Variants in PARD3 observed in about 807,000 individuals in gnomAD.
The protein encoded by PARD3 is par-3 family cell polarity regulator.
PARD3 carries 75 observed loss-of-function variants against 155.4 expected under a neutral mutation model. That is an observed-to-expected ratio of 0.48 (90% CI 0.40 to 0.58). The LOEUF is 0.58. Among genes scored for constraint, PARD3 ranks in the 20% least tolerant of loss-of-function variants. The pLI, the probability that PARD3 is intolerant of heterozygous loss-of-function variation, is 0.00. For missense variants in PARD3, 1,642 were observed against 1,721.7 expected (o/e 0.95, Z 0.82); for synonymous variants, 576 against 610.5 (o/e 0.94, Z 0.83).
chr10:34,221,459 T>C (rs1280044256), intron 22 of PARD3, among the ~76,000 whole-genome samples: 3 of 151,508 alleles, frequency 2.0e-5, no homozygotes, highest in South Asian at 2.1e-4. Flanking sequence ...TTTTGATATA[T>C]GTATAGGTGG....
chr10:34,132,994 AG>A (rs1012694131), intron 22 of PARD3, among the ~76,000 whole-genome samples: 2 of 152,104 alleles, frequency 1.3e-5, no homozygotes, highest in Admixed American at 6.5e-5. Context: ...GCCAAACTCC[AG>A]GGGAAGATCA....
chr10:34,805,863 G>A (rs1466047734), intron 1 of PARD3, among the ~76,000 whole-genome samples: 1 of 151,894 alleles, frequency 6.6e-6, no homozygotes, highest in Non-Finnish European at 1.5e-5. Flanking sequence ...TGTAGTCCCA[G>A]CTACTCGGGA....
intron 2 of PARD3, among the ~76,000 whole-genome samples, chr10:34,598,967 C>G (rs2089530812): frequency 6.6e-6 from 1 of 152,134 alleles, no homozygotes; most frequent in African/African-American, 2.4e-5. Context: ...CCTGCCCCAG[C>G]CTCTGCCAGT....
chr10:34,230,961 G>A (rs1223210790), intron 22 of PARD3, among the ~76,000 whole-genome samples: 3 of 151,992 alleles, frequency 2.0e-5, no homozygotes, highest in Non-Finnish European at 4.4e-5. Context: ...AGGAGTTCAA[G>A]GCTGCAGTGA....
chr10:34,394,909 A>T (rs1371088979), intron 7 of PARD3, among the ~76,000 whole-genome samples: 1 of 152,002 alleles, frequency 6.6e-6, no homozygotes, highest in East Asian at 1.9e-4. Flanking sequence ...CAATACCTAC[A>T]ACCAGGTTCT....
At position 34,559,037 on chromosome 10, in the gene PARD3, ATT is replaced by A. The variant is rs371540947; in HGVS notation, c.223-41880_223-41879del. On this transcript the variant is annotated intron_variant, in intron 2 of 24. Coordinates refer to ENST00000374788, the MANE Select transcript of PARD3 (RefSeq NM_001184785.2). The stretch of plus-strand genomic sequence containing the variant: ...GAATCTTCATTAGAATTGAAAACTC[ATT>A]TTTCCCCCCCACAGAATTAGCCTCT... Among the ~76,000 whole-genome samples, 1,146 of 150,424 alleles carry A rather than the reference ATT, an allele frequency of 7.6e-3. 14 individuals carry two copies. The highest frequency in any genetic ancestry group is 0.026 in the African/African-American group (1,054 of 40,064).
intron 1 of PARD3, among the ~76,000 whole-genome samples, chr10:34,742,612 G>T (rs1161028404): frequency 2.6e-5 from 4 of 152,192 alleles, no homozygotes; most frequent in Non-Finnish European, 5.9e-5. Context: ...GAATCTCATA[G>T]ATGATCTAAT....
chr10:34,671,599 A>C (rs2093610919), intron 2 of PARD3, among the ~76,000 whole-genome samples: 1 of 152,248 alleles, frequency 6.6e-6, no homozygotes, highest in Admixed American at 6.5e-5. Flanking sequence ...AGGAGTTGCT[A>C]TCACCATACA....
rs540571839 is a variant in PARD3, at chr10:34,710,378, G to A, written c.121-13959C>T. 1.6e-4 allele frequency among the ~76,000 whole-genome samples: 24 copies of A among 152,264 alleles called. No homozygotes were observed. In the South Asian group the frequency reaches 4.6e-3, roughly 29 times the overall value. ...ATTCCATAATAAATATATACGTGCA[G>A]TTTTAAATATTTATCCTCTTAAATA... On this transcript the variant is annotated intron_variant, in intron 1 of 24. Transcript: ENST00000374788.
intron 5 of PARD3, among the ~76,000 whole-genome samples, chr10:34,408,151 T>TAA (rs1285336346): frequency 6.6e-6 from 1 of 152,104 alleles, no homozygotes; most frequent in Non-Finnish European, 1.5e-5. Flanking sequence ...TATAAAAACT[T>TAA]AAAGTTATAC....
intron 2 of PARD3, among the ~76,000 whole-genome samples, chr10:34,528,790 G>T (rs1007392890): frequency 4.6e-5 from 7 of 152,162 alleles, no homozygotes; most frequent in African/African-American, 1.7e-4. Context: ...GTTTCAAGGG[G>T]TATGGAGAAG....
intron 22 of PARD3, among the ~76,000 whole-genome samples, chr10:34,160,856 G>C (rs1164109141): frequency 3.9e-5 from 6 of 152,166 alleles, no homozygotes; most frequent in Non-Finnish European, 4.4e-5. Flanking sequence ...TTTGGAACCT[G>C]TTTATAGTAC....
intron 1 of PARD3, among the ~76,000 whole-genome samples, chr10:34,718,857 G>A (rs965802866): frequency 6.6e-6 from 1 of 152,252 alleles, no homozygotes; most frequent in Admixed American, 6.5e-5. Context: ...CAGCTACTTG[G>A]GAGGCAGAGG....
intron 22 of PARD3, among the ~76,000 whole-genome samples, chr10:34,155,425 G>A (rs1285302819): frequency 2.0e-5 from 3 of 152,186 alleles, no homozygotes; most frequent in Non-Finnish European, 4.4e-5. Flanking sequence ...CATTTTAGGA[G>A]CTGTAAGGCT....
chr10:34,116,209 A>C (rs1228500732), intron 24 of PARD3, among the ~76,000 whole-genome samples: 1 of 152,180 alleles, frequency 6.6e-6, no homozygotes, highest in Non-Finnish European at 1.5e-5. Flanking sequence ...TTACAGTTAG[A>C]ATTTACAAAC....
chr10:34,333,200 G>GA (rs1835801426), intron 18 of PARD3, among the ~76,000 whole-genome samples: 1 of 152,022 alleles, frequency 6.6e-6, no homozygotes, highest in African/African-American at 2.4e-5. Context: ...CATGCTTCCA[G>GA]AAAAAATTCT....
intron 4 of PARD3, among the ~76,000 whole-genome samples, chr10:34,464,288 T>C (rs1159623004): frequency 9.9e-5 from 15 of 152,108 alleles, no homozygotes; most frequent in Admixed American, 9.8e-4. Flanking sequence ...CTTTAAGCTA[T>C]CTAGTAAGAC....
At chr10:34,125,355 G>A (rs868436884) in intron 23 of PARD3, among the ~76,000 whole-genome samples, 2 of 152,102 alleles carry the variant, frequency 1.3e-5, no homozygotes, top group African/African-American at 4.8e-5. Context: ...GTGAGCCACC[G>A]TGCCCGGCCC....
chr10:34,352,884 C>T (rs1838290812), intron 14 of PARD3, among the ~76,000 whole-genome samples: 1 of 152,016 alleles, frequency 6.6e-6, no homozygotes, highest in African/African-American at 2.4e-5. Flanking sequence ...AGCCGCCATC[C>T]CATCTAGGAA....
Sources: allele counts gnomAD v4.1 joint callset (sites outside exome capture counted in the v4.1 genomes callset), GRCh38; gene constraint gnomAD v4.1.1; transcripts MANE v1.5; gene names NCBI Gene and HGNC (gene_info 2026-07-23, HGNC 2026-07-21).